Variants in PIAS1 observed in about 807,000 individuals in gnomAD.
PIAS1 encodes the protein protein inhibitor of activated STAT 1.
In PIAS1, 6 loss-of-function variants were observed where a neutral mutation model predicts 71.3. The ratio of observed to expected loss-of-function variants is 0.08; its 90% CI spans 0.05 to 0.17. The LOEUF (loss-of-function observed/expected upper bound fraction) is 0.17. Ranked by LOEUF, PIAS1 falls within the 10% of genes least tolerant of loss-of-function variation. The pLI is 1.00. For missense variants in PIAS1, 555 were observed against 793.6 expected (o/e 0.70, Z 3.61); for synonymous variants, 303 against 292.9 (o/e 1.03, Z -0.35).
chr15:68,109,831 G>T (rs901204445), intron 2 of PIAS1, among the ~76,000 whole-genome samples: 3 of 152,158 alleles, frequency 2.0e-5, no homozygotes, highest in Non-Finnish European at 4.4e-5. Context: ...GGAATTAGAA[G>T]CTACTGAATA....
chr15:68,092,537 A>G (rs111447611), intron 2 of PIAS1, among the ~76,000 whole-genome samples: 1 of 152,216 alleles, frequency 6.6e-6, no homozygotes, highest in Non-Finnish European at 1.5e-5. Context: ...GAAGGATAGA[A>G]TATCTCCTTG....
At chr15:68,172,022 T>A (rs1273139048) in intron 8 of PIAS1, among the ~76,000 whole-genome samples, 1 of 152,166 alleles carries the variant, frequency 6.6e-6, no homozygotes, top group Non-Finnish European at 1.5e-5. Flanking sequence ...CGTTAACTCA[T>A]CATTTACATT....
intron 2 of PIAS1, chr15:68,087,930 A>G: frequency 6.6e-6 from 2 of 301,754 alleles, no homozygotes; most frequent in South Asian, 2.7e-5. Context: ...TTAAGTGGCC[A>G]TAATAAGAAA....
At chr15:68,106,618 T>G (rs1433815137) in intron 2 of PIAS1, among the ~76,000 whole-genome samples, 1 of 151,136 alleles carries the variant, frequency 6.6e-6, no homozygotes, top group East Asian at 2.0e-4. Flanking sequence ...CCTCCTTAGT[T>G]GTGTGTTGAG....
At chr15:68,120,133 A>G (rs1049210774) in intron 2 of PIAS1, among the ~76,000 whole-genome samples, 1 of 152,074 alleles carries the variant, frequency 6.6e-6, no homozygotes, top group Non-Finnish European at 1.5e-5. Flanking sequence ...TGGTCATGGT[A>G]TATCTTATCC....
At chr15:68,061,168 C>T (rs1208052770) in intron 1 of PIAS1, among the ~76,000 whole-genome samples, 2 of 152,212 alleles carry the variant, frequency 1.3e-5, no homozygotes, top group Non-Finnish European at 2.9e-5. Flanking sequence ...ATTCGTTCGA[C>T]TTTGGTCTTC....
intron 2 of PIAS1, among the ~76,000 whole-genome samples, chr15:68,100,095 CG>C (rs938696861): frequency 9.2e-6 from 1 of 109,140 alleles, no homozygotes; most frequent in Non-Finnish European, 1.9e-5. Flanking sequence ...TGTATTTCTT[CG>C]GGAAAAAAAA....
intron 2 of PIAS1, among the ~76,000 whole-genome samples, chr15:68,111,415 T>A (rs751685684): frequency 6.6e-6 from 1 of 152,210 alleles, no homozygotes; most frequent in African/African-American, 2.4e-5. Context: ...TAATTTAAGC[T>A]GTGGAACTGG....
At chr15:68,176,820 G>T (rs971477752) in intron 11 of PIAS1, among the ~76,000 whole-genome samples, 166 bp downstream of exon 11, 2 of 152,108 alleles carry the variant, frequency 1.3e-5, no homozygotes, top group African/African-American at 4.8e-5. Context: ...AGGGATTGGG[G>T]TAATGCACCA....
chr15:68,119,899 C>G (rs1054892801), intron 2 of PIAS1, among the ~76,000 whole-genome samples: 2 of 152,348 alleles, frequency 1.3e-5, no homozygotes, highest in African/African-American at 4.8e-5. Flanking sequence ...CAGTGACTCT[C>G]TCTATCCCTA....
chr15:68,093,932 GTGTT>G (rs143479408), intron 2 of PIAS1, among the ~76,000 whole-genome samples: 5,327 of 152,198 alleles, frequency 0.035, 106 homozygotes, highest in Non-Finnish European at 0.055. Context: ...TGTTTAGAAA[GTGTT>G]TGGACGCTAC....
At chr15:68,182,225 CATA>C (rs751705592) in intron 12 of PIAS1, among the ~76,000 whole-genome samples, 20 of 151,790 alleles carry the variant, frequency 1.3e-4, no homozygotes, top group Non-Finnish European at 1.2e-4. Flanking sequence ...ATTTTGAGTT[CATA>C]ATAATCATTT....
chr15:68,124,644 C>T (rs1047093080), intron 2 of PIAS1, among the ~76,000 whole-genome samples: 2 of 152,058 alleles, frequency 1.3e-5, no homozygotes, highest in East Asian at 1.9e-4. Flanking sequence ...TCTCTTGAAC[C>T]GGGAGGCAGA....
Position 68,086,791 on chromosome 15 carries a change from A to G in PIAS1, c.469+41A>G, listed in dbSNP as rs73423744. 3,888 of 1,364,992 alleles carry G rather than the reference A, an allele frequency of 2.8e-3. 87 individuals are homozygous for G. The African/African-American group carries it at 0.048, about 17-fold the overall frequency. The allele number at this position is 1,364,992 out of a possible 1,614,324, so 84.6% of individuals were successfully genotyped here. ...GATAGTATTTGGTTACTTTTGCAGG[A>G]TGAATTTTCGTTTTAGGCTTTTACT... On this transcript the variant is annotated intron_variant, in intron 2 of 13. Coordinates refer to ENST00000249636, the MANE Select transcript of PIAS1 (RefSeq NM_016166.3). The surrounding 1 kb of genome is among the most constrained non-coding windows in gnomAD (Gnocchi z 7.2).
intron 1 of PIAS1, among the ~76,000 whole-genome samples, chr15:68,059,986 T>G (rs377628424): frequency 2.6e-5 from 4 of 152,208 alleles, no homozygotes; most frequent in African/African-American, 7.2e-5. Context: ...TTCATTGTCA[T>G]ACCTTTATTG....
chr15:68,068,186 G>T (rs1021613935), intron 1 of PIAS1, among the ~76,000 whole-genome samples: 2 of 152,056 alleles, frequency 1.3e-5, no homozygotes, highest in Non-Finnish European at 2.9e-5. Flanking sequence ...CAGCCTGGGC[G>T]ATATGACAAA....
At chr15:68,158,033 A>G (rs761647932) in intron 7 of PIAS1, among the ~76,000 whole-genome samples, 78 of 152,254 alleles carry the variant, frequency 5.1e-4, no homozygotes, top group Admixed American at 1.1e-3. Context: ...GCCTTTTTCT[A>G]TCTCCTCTGG....
chr15:68,151,683 A>AAC (rs754171390), intron 6 of PIAS1, among the ~76,000 whole-genome samples: 152 of 134,860 alleles, frequency 1.1e-3, no homozygotes, highest in African/African-American at 3.9e-3. Context: ...AAAAAAACAA[A>AAC]ACACACACAC....
At chr15:68,115,032 T>G (rs370676393) in intron 2 of PIAS1, among the ~76,000 whole-genome samples, 1 of 152,120 alleles carries the variant, frequency 6.6e-6, no homozygotes, top group East Asian at 1.9e-4. Context: ...ATGACCATTG[T>G]AAGTACCCTT....
Sources: gnomAD v4.1 joint callset for allele counts (sites outside exome capture counted in the v4.1 genomes callset) on GRCh38, gnomAD v4.1.1 for gene constraint, Gnocchi (gnomAD v3.1) non-coding constraint, MANE v1.5 for transcripts, NCBI Gene and HGNC (gene_info 2026-07-23, HGNC 2026-07-21) for gene names.